Variants in INVS observed in about 807,000 individuals in gnomAD.
INVS encodes the protein inversion of embryo turning homolog.
A neutral mutation model predicts 108.8 loss-of-function variants in INVS; 86 were observed. The ratio of observed to expected loss-of-function variants is 0.79; its 90% CI spans 0.66 to 0.95. INVS has a LOEUF of 0.95. INVS is among the 40% of genes least tolerant of loss of function. The pLI is 0.00. For synonymous variants in INVS, 455 were observed against 473.5 expected, an observed-to-expected ratio of 0.96 and a Z score of 0.51; for missense variants, 1,169 against 1,297.4, an observed-to-expected ratio of 0.90 and a Z score of 1.52.
intron 5 of INVS, among the ~76,000 whole-genome samples, chr9:100,230,369 C>T (rs1831469192): frequency 6.6e-6 from 1 of 152,084 alleles, no homozygotes; most frequent in South Asian, 2.1e-4. Context: ...TCCATTACCA[C>T]ATTTATTTGT....
intron 2 of INVS, among the ~76,000 whole-genome samples, chr9:100,121,807 C>G (rs1827732640): frequency 6.6e-6 from 1 of 152,032 alleles, no homozygotes. Flanking sequence ...TGATTTGAAA[C>G]TATTCTTCTA....
intron 3 of INVS, among the ~76,000 whole-genome samples, chr9:100,221,790 G>A (rs1050215611): frequency 1.3e-5 from 2 of 151,824 alleles, no homozygotes; most frequent in African/African-American, 4.8e-5. Context: ...AAAATACTAA[G>A]GTATTTTGAG....
At chr9:100,242,855 C>A (rs1831923774) in intron 7 of INVS, among the ~76,000 whole-genome samples, 176 bp downstream of exon 7, 1 of 152,044 alleles carries the variant, frequency 6.6e-6, no homozygotes, top group Non-Finnish European at 1.5e-5. Flanking sequence ...TTTTGCACTC[C>A]TACACCTAAT....
intron 11 of INVS, among the ~76,000 whole-genome samples, chr9:100,266,972 A>T (rs1302276211): frequency 6.8e-6 from 1 of 146,712 alleles, no homozygotes; most frequent in African/African-American, 2.5e-5. Context: ...TCTTTCAGAA[A>T]CTTCCCTCAT....
intron 3 of INVS, among the ~76,000 whole-genome samples, chr9:100,154,331 ATTTTTTTTTTT>A (rs780090630): frequency 2.8e-4 from 19 of 68,570 alleles, no homozygotes; most frequent in South Asian, 2.6e-3. Flanking sequence ...CAACCGACTA[ATTTTTTTTTTT>A]TTTTTTTTTT....
intron 3 of INVS, among the ~76,000 whole-genome samples, chr9:100,209,958 C>A (rs1447631985): frequency 6.6e-6 from 1 of 152,080 alleles, no homozygotes; most frequent in Non-Finnish European, 1.5e-5. Context: ...TCATTCTAGT[C>A]ACCTCTTTTT....
intron 3 of INVS, among the ~76,000 whole-genome samples, chr9:100,223,975 A>T (rs35970442): frequency 0.011 from 1,647 of 152,374 alleles, 16 homozygotes; most frequent in African/African-American, 0.016. Flanking sequence ...CCTGGGCCAC[A>T]CTGGAAGAAG....
At position 100,203,081 on chromosome 9, in the gene INVS, A is replaced by T. The variant is rs915739879; in HGVS notation, c.274-22981A>T. On this transcript the variant is annotated intron_variant, in intron 3 of 16. Transcript: ENST00000262457. The stretch of plus-strand genomic sequence containing the variant: ...ATTTCACCATAGCTCTCAGCAAATT[A>T]TATCTCCTAAGGTACAAAGCATAAA... 3.3e-5 allele frequency among the ~76,000 whole-genome samples: 5 copies of T among 152,348 alleles called. No individual in the cohort carries two copies. In the East Asian group the frequency reaches 9.6e-4, roughly 29 times the overall value.
intron 8 of INVS, among the ~76,000 whole-genome samples, chr9:100,250,872 T>C (rs1832210162): frequency 1.3e-5 from 2 of 152,168 alleles, no homozygotes; most frequent in Non-Finnish European, 2.9e-5. Flanking sequence ...ATAGGACCAT[T>C]TGTGATCTGG....
At chr9:100,189,829 A>G (rs1315953278) in intron 3 of INVS, among the ~76,000 whole-genome samples, 1 of 151,922 alleles carries the variant, frequency 6.6e-6, no homozygotes, top group Non-Finnish European at 1.5e-5. Flanking sequence ...GTTTCAAGCA[A>G]TCTGCCTGCC....
intron 5 of INVS, among the ~76,000 whole-genome samples, chr9:100,235,917 T>C (rs991507098): frequency 2.6e-5 from 4 of 152,216 alleles, no homozygotes; most frequent in Non-Finnish European, 5.9e-5. Flanking sequence ...TTGGCCTGTC[T>C]TGCTAGATTA....
intron 2 of INVS, among the ~76,000 whole-genome samples, chr9:100,115,806 C>T (rs545252934): frequency 4.7e-4 from 71 of 152,274 alleles, no homozygotes; most frequent in African/African-American, 1.3e-3. Flanking sequence ...TTTGGGTATA[C>T]ACCCAGTAAT....
At chr9:100,229,557 C>T (rs529679848) in intron 4 of INVS, 103 bp from the exon 5 acceptor site, 2 of 955,356 alleles carry the variant, frequency 2.1e-6, no homozygotes, top group East Asian at 5.0e-5. Flanking sequence ...AGATACAGGG[C>T]AACTACTGTA....
At chr9:100,169,845 T>G (rs1829482564) in intron 3 of INVS, among the ~76,000 whole-genome samples, 1 of 152,140 alleles carries the variant, frequency 6.6e-6, no homozygotes, top group Non-Finnish European at 1.5e-5. Context: ...CTAACCAATT[T>G]GAAATAACTT....
intron 3 of INVS, among the ~76,000 whole-genome samples, chr9:100,183,043 A>G (rs1829943488): frequency 6.6e-6 from 1 of 152,188 alleles, no homozygotes; most frequent in Admixed American, 6.5e-5. Flanking sequence ...CAAACACCGC[A>G]TGTTCTCACT....
intron 3 of INVS, among the ~76,000 whole-genome samples, chr9:100,209,855 T>TTTCGTCA (rs1830784724): frequency 6.6e-6 from 1 of 152,098 alleles, no homozygotes; most frequent in Non-Finnish European, 1.5e-5. Context: ...ACCCTGCACT[T>TTTCGTCA]TTCGTCATCG....
At chr9:100,274,079 TGGGTGCGG>T (rs1485375956) in intron 12 of INVS, among the ~76,000 whole-genome samples, 1 of 151,976 alleles carries the variant, frequency 6.6e-6, no homozygotes, top group Non-Finnish European at 1.5e-5. Context: ...ATTTTAAAGC[TGGGTGCGG>T]TGGCTCACAC....
chr9:100,186,127 C>T (rs1446998156), intron 3 of INVS, among the ~76,000 whole-genome samples: 4 of 152,000 alleles, frequency 2.6e-5, no homozygotes, highest in Admixed American at 2.6e-4. Context: ...GAAATCTTCA[C>T]GTTGTTTTCC....
At chr9:100,204,478 G>A (rs1306312602) in intron 3 of INVS, among the ~76,000 whole-genome samples, 2 of 152,258 alleles carry the variant, frequency 1.3e-5, no homozygotes, top group East Asian at 3.9e-4. Flanking sequence ...TTGGTCTCTT[G>A]ATATTGTTCA....
Sources: gnomAD v4.1 joint callset for allele counts (sites outside exome capture counted in the v4.1 genomes callset) on GRCh38, gnomAD v4.1.1 for gene constraint, MANE v1.5 for transcripts, NCBI Gene and HGNC (gene_info 2026-07-23, HGNC 2026-07-21) for gene names.